DGKB: variants seen among roughly 807,000 people sequenced by gnomAD.
The protein encoded by DGKB is diacylglycerol kinase beta.
DGKB carries 67 observed loss-of-function variants against 114.3 expected under a neutral mutation model. That is an observed-to-expected ratio of 0.59 (90% confidence interval 0.48 to 0.72). The LOEUF is 0.72. Ranked by LOEUF, DGKB falls within the 30% of genes least tolerant of loss-of-function variation. DGKB has a pLI of 0.00. For missense variants in DGKB, 907 were observed against 975.2 expected (o/e 0.93, Z 0.93); for synonymous variants, 398 against 323.1 (o/e 1.23, Z -2.49).
intron 23 of DGKB, among the ~76,000 whole-genome samples, chr7:14,289,334 A>G (rs1316742849): frequency 6.6e-6 from 1 of 152,190 alleles, no homozygotes; most frequent in Non-Finnish European, 1.5e-5. Context: ...GTGAAAATTT[A>G]TCAATAAAAG....
chr7:14,403,077 T>G (rs1049733220), intron 21 of DGKB, among the ~76,000 whole-genome samples: 1 of 151,986 alleles, frequency 6.6e-6, no homozygotes, highest in African/African-American at 2.4e-5. Context: ...TATCTGTATA[T>G]GTATATACAT....
chr7:14,672,016 T>G (rs1364199262), intron 13 of DGKB, among the ~76,000 whole-genome samples: 1 of 152,058 alleles, frequency 6.6e-6, no homozygotes, highest in Non-Finnish European at 1.5e-5. Flanking sequence ...TTTTGTAGTT[T>G]GAGAAAATGA....
intron 20 of DGKB, among the ~76,000 whole-genome samples, chr7:14,555,086 C>T (rs1169895485): frequency 6.6e-6 from 1 of 152,024 alleles, no homozygotes; most frequent in Non-Finnish European, 1.5e-5. Context: ...AAGTGTATTG[C>T]TTCCATTTGT....
In DGKB at chr7:14,335,125, T is replaced by C. The variant is rs182412687; in HGVS notation, c.2122+3390A>G. ...CAACCAATGAACTTATTGAAGATAT[T>C]CTGATTTTATTATGTGAGTGTCTTC... is the stretch of plus-strand genomic sequence containing the variant. On this transcript the variant is annotated intron_variant, in intron 23 of 25. Coordinates refer to ENST00000402815, the MANE Select transcript of DGKB (RefSeq NM_001350709.2). 1.2e-3 allele frequency among the ~76,000 whole-genome samples: 179 copies of C among 152,312 alleles called. 1 individual carries two copies. Among genetic ancestry groups the C allele is most frequent in the African/African-American group, 4.1e-3 (171 of 41,572 alleles).
chr7:14,384,656 G>A (rs528459400), intron 21 of DGKB, among the ~76,000 whole-genome samples: 4 of 152,246 alleles, frequency 2.6e-5, no homozygotes, highest in South Asian at 4.1e-4. Flanking sequence ...TGATTCTGAC[G>A]TTCCTAAAGA....
chr7:14,250,864 T>C (rs1319274524), intron 23 of DGKB, among the ~76,000 whole-genome samples: 1 of 152,200 alleles, frequency 6.6e-6, no homozygotes, highest in Non-Finnish European at 1.5e-5. Context: ...ATGAATTGAC[T>C]CCATTATCAT....
At chr7:14,375,663 T>G (rs1165722602) in intron 21 of DGKB, among the ~76,000 whole-genome samples, 2 of 152,212 alleles carry the variant, frequency 1.3e-5, no homozygotes, top group Non-Finnish European at 2.9e-5. Flanking sequence ...TCTTGAGTGC[T>G]CTATTTAAAA....
intron 21 of DGKB, among the ~76,000 whole-genome samples, chr7:14,352,290 C>A (rs1295113698): frequency 2.0e-5 from 3 of 151,948 alleles, no homozygotes. Flanking sequence ...ACCCAAAGAT[C>A]AAATATTTTA....
intron 23 of DGKB, among the ~76,000 whole-genome samples, chr7:14,310,284 G>T (rs564552617): frequency 5.9e-5 from 9 of 152,068 alleles, no homozygotes; most frequent in Non-Finnish European, 1.0e-4. Context: ...AAGGCCAGCT[G>T]GTAGGAGATC....
chr7:14,779,607 A>G (rs1838762307), intron 2 of DGKB, among the ~76,000 whole-genome samples: 1 of 152,230 alleles, frequency 6.6e-6, no homozygotes, highest in African/African-American at 2.4e-5. Context: ...CAAAAGGTAT[A>G]AAATAAAAAG....
chr7:14,639,463 C>A (rs1479342495), intron 13 of DGKB, among the ~76,000 whole-genome samples: 1 of 152,190 alleles, frequency 6.6e-6, no homozygotes, highest in Admixed American at 6.5e-5. Context: ...CTTGCCAGAG[C>A]AACTATCACC....
intron 21 of DGKB, among the ~76,000 whole-genome samples, chr7:14,411,436 A>T (rs967925590): frequency 6.6e-6 from 1 of 152,202 alleles, no homozygotes; most frequent in African/African-American, 2.4e-5. Flanking sequence ...GGAGTAAAGA[A>T]CTATAAATTA....
intron 17 of DGKB, among the ~76,000 whole-genome samples, chr7:14,596,478 A>T (rs1802598240): frequency 6.6e-6 from 1 of 152,208 alleles, no homozygotes; most frequent in African/African-American, 2.4e-5. Flanking sequence ...GTGTAAAGTC[A>T]CACTGAGCAA....
chr7:14,420,877 C>A (rs1159446447), intron 21 of DGKB, among the ~76,000 whole-genome samples: 2 of 152,028 alleles, frequency 1.3e-5, no homozygotes, highest in African/African-American at 2.4e-5. Context: ...CGTCCTAGAA[C>A]TGGATCAAAA....
At chr7:14,701,839 C>T in intron 6 of DGKB, 109 bp from the exon 7 acceptor site, 1 of 696,846 alleles carries the variant, frequency 1.4e-6, no homozygotes, top group Non-Finnish European at 2.5e-6. Context: ...TACTAAATTC[C>T]TCTCCTGCTC....
At chr7:14,165,113 A>G (rs1562509879) in intron 25 of DGKB, among the ~76,000 whole-genome samples, 1 of 152,072 alleles carries the variant, frequency 6.6e-6, no homozygotes, top group Non-Finnish European at 1.5e-5. Context: ...CTCCTTCCTT[A>G]CAGATATCCC....
chr7:14,250,130 A>T (rs1192179753), intron 23 of DGKB, among the ~76,000 whole-genome samples: 7 of 62,836 alleles, frequency 1.1e-4, no homozygotes, highest in Admixed American at 1.5e-4. Flanking sequence ...ATATATATAT[A>T]TATTTTTTTT....
intron 21 of DGKB, among the ~76,000 whole-genome samples, chr7:14,445,838 C>T (rs10486031): frequency 0.1 from 15,354 of 151,956 alleles, 875 homozygotes; most frequent in East Asian, 0.22. Context: ...CTATATCCTT[C>T]TTTAATAATT....
chr7:14,436,927 A>G (rs1410261691), intron 21 of DGKB, among the ~76,000 whole-genome samples: 3 of 152,106 alleles, frequency 2.0e-5, no homozygotes, highest in Non-Finnish European at 4.4e-5. Flanking sequence ...TAAAAACTAT[A>G]TTATAGTTAA....
Sources: allele counts gnomAD v4.1 joint callset (sites outside exome capture counted in the v4.1 genomes callset), GRCh38; gene constraint gnomAD v4.1.1; transcripts MANE v1.5; gene names NCBI Gene and HGNC (gene_info 2026-07-23, HGNC 2026-07-21).